Variants in ASH1L observed in about 807,000 individuals in gnomAD.
The protein encoded by ASH1L is histone-lysine N-methyltransferase ASH1L.
In ASH1L, 23 loss-of-function variants were observed where a neutral mutation model predicts 269.0. The ratio of observed to expected loss-of-function variants is 0.09; its 90% CI spans 0.06 to 0.12. The LOEUF is 0.12. ASH1L is among the 10% of genes least tolerant of loss of function. The pLI is 1.00. For synonymous variants in ASH1L, 1,187 were observed against 1,253.5 expected (o/e 0.95, Z 1.12); for missense variants, 2,912 against 3,567.8 (o/e 0.82, Z 4.68).
intron 5 of ASH1L, among the ~76,000 whole-genome samples, chr1:155,425,486 T>C (rs1661074257): frequency 6.6e-6 from 1 of 151,396 alleles, no homozygotes; most frequent in Non-Finnish European, 1.5e-5. Context: ...TTGCCCAGGC[T>C]GGAGTGCAAT....
intron 4 of ASH1L, among the ~76,000 whole-genome samples, chr1:155,446,537 G>T (rs10796944): frequency 6.6e-6 from 1 of 150,680 alleles, no homozygotes; most frequent in Non-Finnish European, 1.5e-5. Flanking sequence ...GGGCTCAAGC[G>T]ATCCACACAC....
intron 5 of ASH1L, chr1:155,433,041 A>T: frequency 9.9e-7 from 1 of 1,009,360 alleles, no homozygotes; most frequent in Non-Finnish European, 1.4e-6. Context: ...GTAAAGGCAG[A>T]AATCATCCTC....
At chr1:155,506,746 A>C (rs1175508155) in intron 2 of ASH1L, among the ~76,000 whole-genome samples, 5 of 152,050 alleles carry the variant, frequency 3.3e-5, no homozygotes, top group South Asian at 2.1e-4. Context: ...TAGCATTATA[A>C]AATTTTAAAT....
chr1:155,496,502 T>C lies in ASH1L; in HGVS notation c.421-14053A>G, dbSNP rs370644162. On this transcript the variant is annotated intron_variant, in intron 2 of 27. Coordinates refer to ENST00000392403, the MANE Select transcript of ASH1L (RefSeq NM_018489.3). ...GCATGTATATGCGTGTATGGTAATA[T>C]AAAATCTACTACAGAACTACCGGTT... is the stretch of plus-strand genomic sequence containing the variant. Among the ~76,000 whole-genome samples, 111 of 152,366 alleles carry C rather than the reference T, an allele frequency of 7.3e-4. 7 individuals are homozygous for C. The East Asian group carries it at 0.013, about 18-fold the overall frequency.
At chr1:155,531,982 A>C (rs1051222343) in intron 1 of ASH1L, among the ~76,000 whole-genome samples, 2 of 152,208 alleles carry the variant, frequency 1.3e-5, no homozygotes, top group African/African-American at 4.8e-5. Context: ...AAAATATCTA[A>C]ACAATCTAGG....
At chr1:155,475,101 A>G (rs1340856721) in intron 3 of ASH1L, among the ~76,000 whole-genome samples, 1 of 151,790 alleles carries the variant, frequency 6.6e-6, no homozygotes, top group Admixed American at 6.6e-5. Context: ...CCAATATCTA[A>G]ACTCCTTCCC....
At chr1:155,526,087 A>AGG (rs1669233479) in intron 1 of ASH1L, among the ~76,000 whole-genome samples, 1 of 152,164 alleles carries the variant, frequency 6.6e-6, no homozygotes, top group African/African-American at 2.4e-5. Flanking sequence ...AATCACAGAT[A>AGG]GGGAAGGCCA....
At chr1:155,406,091 C>CTTAG (rs1465519119) in intron 6 of ASH1L, among the ~76,000 whole-genome samples, 1 of 150,828 alleles carries the variant, frequency 6.6e-6, no homozygotes, top group East Asian at 2.0e-4. Flanking sequence ...GTAATCCAAA[C>CTTAG]TACTAGGGAG....
intron 15 of ASH1L, among the ~76,000 whole-genome samples, chr1:155,355,136 A>C (rs917996128): frequency 6.6e-6 from 1 of 152,030 alleles, no homozygotes; most frequent in Non-Finnish European, 1.5e-5. Flanking sequence ...GCTCACTGCA[A>C]CCTCTGCTTC....
At chr1:155,470,526 T>C (rs906348426) in intron 3 of ASH1L, among the ~76,000 whole-genome samples, 4 of 147,316 alleles carry the variant, frequency 2.7e-5, no homozygotes, top group African/African-American at 9.9e-5. Context: ...GTCTAAACTA[T>C]AAATCAACTT....
At chr1:155,407,823 T>C (rs1286651168) in intron 6 of ASH1L, among the ~76,000 whole-genome samples, 1 of 152,026 alleles carries the variant, frequency 6.6e-6, no homozygotes, top group Non-Finnish European at 1.5e-5. Context: ...AAAACACATA[T>C]TGTATGATAC....
At chr1:155,518,805 G>A (rs764227088) in intron 2 of ASH1L, among the ~76,000 whole-genome samples, 46 of 150,308 alleles carry the variant, frequency 3.1e-4, no homozygotes, top group Non-Finnish European at 5.6e-4. Flanking sequence ...GAGGGGAGAC[G>A]GGGAGAGGAA....
chr1:155,362,748 T>A (rs1016636923), intron 12 of ASH1L, among the ~76,000 whole-genome samples: 1 of 152,194 alleles, frequency 6.6e-6, no homozygotes, highest in East Asian at 1.9e-4. Flanking sequence ...CTATTTTATA[T>A]ATGAAGTATA....
chr1:155,359,346 C>T (rs1224693227), intron 13 of ASH1L, among the ~76,000 whole-genome samples: 2 of 151,958 alleles, frequency 1.3e-5, no homozygotes, highest in East Asian at 1.9e-4. Context: ...TGCATTGGCG[C>T]GATCTCTGCA....
chr1:155,422,377 C>T (rs1660767125), intron 5 of ASH1L, among the ~76,000 whole-genome samples: 1 of 146,804 alleles, frequency 6.8e-6, no homozygotes, highest in African/African-American at 2.6e-5. Context: ...GGCATGATCT[C>T]GCCTCACTGC....
chr1:155,362,766 CAG>C (rs1228721152), intron 12 of ASH1L, among the ~76,000 whole-genome samples: 1 of 152,096 alleles, frequency 6.6e-6, no homozygotes, highest in Non-Finnish European at 1.5e-5. Context: ...ATATACGCCT[CAG>C]AGTTTGTTTA....
Position 155,481,126 on chromosome 1 carries a change from G to C in ASH1L, c.1744C>G (p.Pro582Ala). ...TCTGTAGTAGAACTTAAAAGTAATGGATTAGGAGCCAACTGTGAAGAAGTT... is the reference window on the plus strand; with the variant it reads ...TCTGTAGTAGAACTTAAAAGTAATGCATTAGGAGCCAACTGTGAAGAAGTT... ...PETSSQLAPN[P>A]LLLSSTTELI... is the part of the protein sequence containing the mutation. The change falls in exon 3 of 28, where the codon CCA becomes GCA. Residue 582 changes from proline (P) to alanine (A), a missense_variant. Coordinates refer to ENST00000392403, the MANE Select transcript of ASH1L (RefSeq NM_018489.3). 4 of 1,614,072 alleles carry C rather than the reference G, an allele frequency of 2.5e-6. No individual in the cohort carries two copies. The highest frequency in any genetic ancestry group is 1.7e-6 in the Non-Finnish European group (2 of 1,179,978).
At chr1:155,428,383 A>G (rs1043388060) in intron 5 of ASH1L, among the ~76,000 whole-genome samples, 20 of 152,126 alleles carry the variant, frequency 1.3e-4, no homozygotes, top group African/African-American at 4.8e-4. Flanking sequence ...TGGAGGTTGC[A>G]GTAAGCCGAG....
rs1437530533 is a variant in ASH1L at position 155,517,251 on chromosome 1, A to G, written c.420+3849T>C. Reference sequence around the variant, plus strand: ...TATAATCCCATCACTTTGGGAGACCAAGGCAGGAGGATCACTTGAGCCCAG... The same window carrying G: ...TATAATCCCATCACTTTGGGAGACCGAGGCAGGAGGATCACTTGAGCCCAG... On this transcript the variant is annotated intron_variant, in intron 2 of 27. Coordinates refer to ENST00000392403, the MANE Select transcript of ASH1L (RefSeq NM_018489.3). Among the ~76,000 whole-genome samples, 6 of 152,306 alleles carry G rather than the reference A, an allele frequency of 3.9e-5. No individual in the cohort carries two copies. In the East Asian group the frequency reaches 1.2e-3, roughly 29 times the overall value.
Sources: allele counts gnomAD v4.1 joint callset (sites outside exome capture counted in the v4.1 genomes callset), GRCh38; gene constraint gnomAD v4.1.1; transcripts MANE v1.5; gene names NCBI Gene and HGNC (gene_info 2026-07-23, HGNC 2026-07-21).